Variants in KIAA1328 observed in about 807,000 individuals in gnomAD.
The protein encoded by KIAA1328 is KIAA1328, also known as protein hinderin.
Under a neutral mutation model 68.1 loss-of-function variants are expected in KIAA1328, and 52 were observed. The ratio of observed to expected loss-of-function variants is 0.76; its 90% CI spans 0.61 to 0.96. KIAA1328 has a LOEUF of 0.96. KIAA1328 is among the 40% of genes least tolerant of loss of function. The pLI, the probability that KIAA1328 is intolerant of heterozygous loss-of-function variation, is 0.00. For missense variants in KIAA1328, 641 were observed against 677.6 expected, an observed-to-expected ratio of 0.95 and a Z score of 0.60; for synonymous variants, 232 against 239.4, an observed-to-expected ratio of 0.97 and a Z score of 0.28.
intron 4 of KIAA1328, among the ~76,000 whole-genome samples, chr18:36,875,439 G>C (rs2048087970): frequency 6.6e-6 from 1 of 152,124 alleles, no homozygotes; most frequent in Non-Finnish European, 1.5e-5. Context: ...TGGTGAATGG[G>C]AGTTCACTCA....
chr18:36,998,659 G>A (rs946557218), intron 6 of KIAA1328, among the ~76,000 whole-genome samples: 2 of 152,118 alleles, frequency 1.3e-5, no homozygotes, highest in Admixed American at 1.3e-4. Flanking sequence ...AAGGAAATCA[G>A]ATACCACTAA....
At chr18:37,031,004 A>G (rs2054804917) in intron 6 of KIAA1328, among the ~76,000 whole-genome samples, 1 of 152,108 alleles carries the variant, frequency 6.6e-6, no homozygotes, top group African/African-American at 2.4e-5. Flanking sequence ...ACTACAAAGG[A>G]CATGAACTCA....
rs191871222 is a variant in KIAA1328 at position 37,127,846 on chromosome 18, T to C, written c.1233-32354T>C. On this transcript the variant is annotated intron_variant, in intron 7 of 9. Transcript: ENST00000280020. Reference sequence around the variant, plus strand: ...ATAAAGCTGCAGTAATAAAGTTCAGTACTGAAATAACAGTAAACATATAGA... The same window carrying C: ...ATAAAGCTGCAGTAATAAAGTTCAGCACTGAAATAACAGTAAACATATAGA... Among the ~76,000 whole-genome samples the C allele has an allele frequency of 1.9e-3, 288 of 152,294 alleles. 4 individuals are homozygous for C. The highest frequency in any genetic ancestry group is 6.8e-3 in the African/African-American group (281 of 41,566).
intron 5 of KIAA1328, among the ~76,000 whole-genome samples, chr18:36,951,038 G>C (rs1002098122): frequency 1.2e-4 from 18 of 152,162 alleles, no homozygotes; most frequent in African/African-American, 4.1e-4. Context: ...GGACACAGTC[G>C]ACTTCATCTT....
At position 37,160,261 on chromosome 18, in the gene KIAA1328, C is replaced by G. The variant is rs778902139; in HGVS notation, c.1294C>G (p.Gln432Glu). Residue 432 changes from glutamine to glutamate, a missense_variant, in exon 8 of 10, where the codon CAA (glutamine) becomes GAA (glutamate). Transcript: ENST00000280020. The part of the protein sequence containing the change: ...LGTSSSIKKH[Q>E]DPPNSGENRK... ...AACATCATCATCTATTAAAAAGCAC[C>G]AAGACCCCCCAAACAGTGGAGAGAA... is the stretch of plus-strand genomic sequence containing the variant. 1 of 1,613,450 alleles carries G rather than the reference C, an allele frequency of 6.2e-7. No individual in the cohort carries two copies. Among genetic ancestry groups the G allele is most frequent in the East Asian group, 2.2e-5 (1 of 44,836 alleles).
intron 7 of KIAA1328, among the ~76,000 whole-genome samples, chr18:37,079,572 A>G (rs540190066): frequency 1.3e-5 from 2 of 152,116 alleles, no homozygotes; most frequent in Non-Finnish European, 2.9e-5. Context: ...GATTTTTATT[A>G]AATAATGGAA....
chr18:36,999,987 C>A (rs542589341), intron 6 of KIAA1328, among the ~76,000 whole-genome samples: 127 of 151,918 alleles, frequency 8.4e-4, no homozygotes, highest in African/African-American at 2.9e-3. Context: ...TTAACAATGA[C>A]AGGAACAAAG....
At chr18:37,093,740 A>G (rs1291834993) in intron 7 of KIAA1328, among the ~76,000 whole-genome samples, 1 of 152,252 alleles carries the variant, frequency 6.6e-6, no homozygotes, top group African/African-American at 2.4e-5. Flanking sequence ...ATGAAATAGT[A>G]GCTGAAAATG....
rs1312920043 is a variant in KIAA1328 at position 37,140,331 on chromosome 18, C to T, written c.1233-19869C>T. Among the ~76,000 whole-genome samples the T allele has an allele frequency of 2.0e-5, 3 of 152,142 alleles. No homozygotes were observed. In the East Asian group the frequency reaches 5.8e-4, roughly 29 times the overall value. On this transcript the variant is annotated intron_variant, in intron 7 of 9. Coordinates refer to ENST00000280020, the MANE Select transcript of KIAA1328 (RefSeq NM_020776.3). The stretch of plus-strand genomic sequence containing the variant: ...TCTCCCAAGACTACAACAGCATTTC[C>T]ATGGCATTTTAATTCAATAAAACAA...
At position 36,829,132 on chromosome 18, in the gene KIAA1328, T is replaced by C. The variant is rs1600877758; in HGVS notation, c.-7T>C. 2.0e-6 allele frequency: 3 copies of C among 1,533,050 alleles called. No individual in the cohort carries two copies. The East Asian group carries it at 7.6e-5, about 39-fold the overall frequency. The allele number at this position is 1,533,050 out of a possible 1,614,324, so 95.0% of individuals were successfully genotyped here. A position where few individuals can be genotyped will look rare whatever the true frequency, so the allele number is the denominator to read the frequency against. On this transcript the variant is annotated 5_prime_UTR_variant, in exon 1 of 10. Coordinates refer to ENST00000280020, the MANE Select transcript of KIAA1328 (RefSeq NM_020776.3). ...GGCGCGACGCCCCGAGTGGCGGTTGTTTCAAGATGGCGGACGTGGCGGGCC... is the reference window on the plus strand; with the variant it reads ...GGCGCGACGCCCCGAGTGGCGGTTGCTTCAAGATGGCGGACGTGGCGGGCC...
At position 37,135,107 on chromosome 18, in the gene KIAA1328, G is replaced by A. The variant is rs533026568; in HGVS notation, c.1233-25093G>A. 2.6e-5 allele frequency among the ~76,000 whole-genome samples: 4 copies of A among 152,132 alleles called. No homozygotes were observed. The South Asian group carries it at 8.3e-4, about 32-fold the overall frequency. ...TCCTTTGTCCAGTATACCACTGATG[G>A]GCACCTAGGTCGATTCCATGCCTTC... is the stretch of plus-strand genomic sequence containing the variant. On this transcript the variant is annotated intron_variant, in intron 7 of 9. Transcript: ENST00000280020.
Position 37,224,529 on chromosome 18 carries a change from G to A in KIAA1328, c.*2302G>A. On this transcript the variant is annotated 3_prime_UTR_variant, in exon 10 of 10. Coordinates refer to ENST00000280020, the MANE Select transcript of KIAA1328 (RefSeq NM_020776.3). ...TGCAAGGGCAATAGGATGTAAATTTGTATATAATCTAATGTCTTCATTATT... is the reference window on the plus strand; with the variant it reads ...TGCAAGGGCAATAGGATGTAAATTTATATATAATCTAATGTCTTCATTATT... 3.1e-6 allele frequency: 3 copies of A among 981,094 alleles called. No individual in the cohort carries two copies. Among genetic ancestry groups the A allele is most frequent in the Non-Finnish European group, 2.4e-6 (2 of 826,006 alleles). The allele number at this position is 981,094 out of a possible 1,614,324, so 60.8% of individuals were successfully genotyped here.
intron 6 of KIAA1328, among the ~76,000 whole-genome samples, chr18:37,054,799 C>T (rs2055844800): frequency 6.6e-6 from 1 of 152,102 alleles, no homozygotes; most frequent in South Asian, 2.1e-4. Context: ...GCACATGAAC[C>T]CCCTGAATCT....
intron 4 of KIAA1328, among the ~76,000 whole-genome samples, chr18:36,857,794 A>G (rs909260999): frequency 3.9e-5 from 6 of 152,164 alleles, no homozygotes; most frequent in Non-Finnish European, 5.9e-5. Flanking sequence ...GTGTTTTTAA[A>G]TACTTGGGGA....
chr18:37,112,229 T>C (rs570737298), intron 7 of KIAA1328, among the ~76,000 whole-genome samples: 2 of 152,178 alleles, frequency 1.3e-5, no homozygotes, highest in Non-Finnish European at 2.9e-5. Context: ...CCTCCTGAAG[T>C]GGGTCCCTGA....
chr18:37,043,162 AAT>A (rs1160941325), intron 6 of KIAA1328, among the ~76,000 whole-genome samples: 1 of 152,084 alleles, frequency 6.6e-6, no homozygotes, highest in Non-Finnish European at 1.5e-5. Flanking sequence ...TAATTCTTAA[AAT>A]GTTTTCTTTT....
At chr18:37,101,686 A>G (rs996657057) in intron 7 of KIAA1328, among the ~76,000 whole-genome samples, 2 of 152,196 alleles carry the variant, frequency 1.3e-5, no homozygotes, top group African/African-American at 4.8e-5. Context: ...GATACTCCTC[A>G]AGAAGAGCAA....
chr18:37,047,234 G>T (rs2055509664), intron 6 of KIAA1328, among the ~76,000 whole-genome samples: 1 of 152,064 alleles, frequency 6.6e-6, no homozygotes, highest in South Asian at 2.1e-4. Context: ...TTAGTTTTGT[G>T]GTCTATTGTA....
intron 7 of KIAA1328, among the ~76,000 whole-genome samples, chr18:37,108,618 G>A (rs1010044494): frequency 6.6e-6 from 1 of 152,042 alleles, no homozygotes; most frequent in African/African-American, 2.4e-5. Flanking sequence ...TAAACAATAA[G>A]TGAGATGGTT....
Sources: allele counts gnomAD v4.1 joint callset (sites outside exome capture counted in the v4.1 genomes callset), GRCh38; gene constraint gnomAD v4.1.1; transcripts MANE v1.5; gene names NCBI Gene and HGNC (gene_info 2026-07-23, HGNC 2026-07-21).